Variants in COLEC12 observed in about 807,000 individuals in gnomAD.
COLEC12 encodes collectin subfamily member 12, also known as collectin-12.
A neutral mutation model predicts 71.1 loss-of-function variants in COLEC12; 33 were observed. The ratio of observed to expected loss-of-function variants is 0.46; its 90% CI spans 0.35 to 0.62. COLEC12 has a LOEUF of 0.62. Among genes scored for constraint, COLEC12 ranks in the 20% least tolerant of loss-of-function variants. COLEC12 has a pLI of 0.00. For missense variants in COLEC12, 765 were observed against 916.1 expected (o/e 0.84, Z 2.13); for synonymous variants, 350 against 353.0 (o/e 0.99, Z 0.10).
intron 3 of COLEC12, among the ~76,000 whole-genome samples, chr18:353,654 G>A (rs536749551): frequency 3.9e-5 from 6 of 152,274 alleles, no homozygotes; most frequent in African/African-American, 1.2e-4. Flanking sequence ...CCATGGTCTC[G>A]GCCCTGAGGA....
intron 2 of COLEC12, among the ~76,000 whole-genome samples, chr18:436,328 T>C (rs1469029742): frequency 6.6e-6 from 1 of 152,114 alleles, no homozygotes; most frequent in Non-Finnish European, 1.5e-5. Flanking sequence ...CTGACCAACA[T>C]GGTGAAACCC....
chr18:328,261 G>A (rs527739940), intron 8 of COLEC12, among the ~76,000 whole-genome samples: 2 of 152,296 alleles, frequency 1.3e-5, no homozygotes, highest in East Asian at 3.9e-4. Flanking sequence ...GGAGGTGGAT[G>A]GGCCAATCCT....
chr18:489,704 C>T (rs573716178), intron 1 of COLEC12, among the ~76,000 whole-genome samples: 1 of 152,062 alleles, frequency 6.6e-6, no homozygotes, highest in Non-Finnish European at 1.5e-5. Context: ...AGCTGTGAGT[C>T]GCACTGACAT....
intron 7 of COLEC12, among the ~76,000 whole-genome samples, chr18:332,242 T>C (rs1326336126): frequency 6.6e-6 from 1 of 152,192 alleles, no homozygotes; most frequent in East Asian, 1.9e-4. Flanking sequence ...CCCTGGTCTG[T>C]GTATTCTAAA....
intron 2 of COLEC12, among the ~76,000 whole-genome samples, chr18:390,088 T>A (rs1040446435): frequency 2.0e-4 from 31 of 152,214 alleles, no homozygotes; most frequent in Admixed American, 7.2e-4. Flanking sequence ...GCAAACACAC[T>A]GAGACTTATT....
At chr18:463,160 A>G (rs1917016268) in intron 2 of COLEC12, among the ~76,000 whole-genome samples, 1 of 152,184 alleles carries the variant, frequency 6.6e-6, no homozygotes, top group Non-Finnish European at 1.5e-5. Context: ...CAACCTCTGC[A>G]GGCTTTCAGC....
intron 5 of COLEC12, 44 bp from the exon 6 acceptor site, chr18:335,274 A>C: frequency 1.3e-6 from 2 of 1,543,814 alleles, no homozygotes; most frequent in Non-Finnish European, 1.7e-6. Context: ...ATCCACTGTG[A>C]ATGATAGTTA....
chr18:405,762 T>A (rs1376945944), intron 2 of COLEC12, among the ~76,000 whole-genome samples: 2 of 152,038 alleles, frequency 1.3e-5, no homozygotes, highest in African/African-American at 4.8e-5. Context: ...TCTCACCCCA[T>A]CCCAACATTT....
At chr18:407,966 T>C (rs1156407353) in intron 2 of COLEC12, among the ~76,000 whole-genome samples, 6 of 152,344 alleles carry the variant, frequency 3.9e-5, no homozygotes, top group Middle Eastern at 3.4e-3. Context: ...TCTGGATATA[T>C]AGTCAGAATT....
chr18:458,903 T>C (rs1441861110), intron 2 of COLEC12, among the ~76,000 whole-genome samples: 2 of 152,238 alleles, frequency 1.3e-5, no homozygotes, highest in Non-Finnish European at 2.9e-5. Flanking sequence ...GGCACGATCA[T>C]GGTTCATTGC....
chr18:456,192 C>T (rs1221487672), intron 2 of COLEC12, among the ~76,000 whole-genome samples: 1 of 152,168 alleles, frequency 6.6e-6, no homozygotes, highest in Non-Finnish European at 1.5e-5. Flanking sequence ...TCCTGTCTCA[C>T]AGAGGTAGGC....
chr18:367,722 C>T (rs573422382), intron 2 of COLEC12, among the ~76,000 whole-genome samples: 7 of 152,250 alleles, frequency 4.6e-5, no homozygotes, highest in Admixed American at 6.5e-5. Flanking sequence ...TATTGGCCCA[C>T]GACGCCTGTG....
intron 1 of COLEC12, among the ~76,000 whole-genome samples, chr18:489,755 C>T (rs559682610): frequency 2.0e-5 from 3 of 152,170 alleles, no homozygotes; most frequent in South Asian, 2.1e-4. Flanking sequence ...TCTGAGATTA[C>T]GCTGTAACTG....
At position 348,123 on chromosome 18, in the gene COLEC12, T is replaced by C. The variant is rs1194711468; in HGVS notation, c.222A>G (p.Thr74=). Residue 74 remains threonine (T), a synonymous_variant, in exon 4 of 10, where the codon ACA becomes ACG. Coordinates refer to ENST00000400256, the MANE Select transcript of COLEC12 (RefSeq NM_130386.3). The part of the protein sequence containing the change: ...KMDNVTGGME[T]SRQTYDDKLT... Reference sequence around the variant, plus strand: ...GCTTGTCATCATAGGTTTGGCGAGATGTTTCCATGCCACCTGTGACATTGT... The same window carrying C: ...GCTTGTCATCATAGGTTTGGCGAGACGTTTCCATGCCACCTGTGACATTGT... The C allele has an allele frequency of 1.9e-6, 3 of 1,613,920 alleles. No homozygotes were observed. The highest frequency in any genetic ancestry group is 3.3e-5 in the Admixed American group (2 of 59,992).
chr18:321,098 A>T (rs1035002976), intron 9 of COLEC12, among the ~76,000 whole-genome samples: 2 of 152,228 alleles, frequency 1.3e-5, no homozygotes, highest in Admixed American at 1.3e-4. Context: ...GTTGTTTCCC[A>T]GGCTGGAGTG....
chr18:419,958 G>A (rs1916063895), intron 2 of COLEC12, among the ~76,000 whole-genome samples: 1 of 152,180 alleles, frequency 6.6e-6, no homozygotes, highest in Admixed American at 6.5e-5. Context: ...GCCCTTGCAA[G>A]ATGTCTGACT....
At chr18:403,256 T>C (rs942013000) in intron 2 of COLEC12, among the ~76,000 whole-genome samples, 5 of 152,240 alleles carry the variant, frequency 3.3e-5, no homozygotes, top group Admixed American at 2.0e-4. Context: ...GTTCTTACCA[T>C]TGGGTGTGTT....
chr18:487,741 T>A (rs556111640), intron 1 of COLEC12, among the ~76,000 whole-genome samples: 33 of 152,218 alleles, frequency 2.2e-4, no homozygotes, highest in Non-Finnish European at 3.5e-4. Context: ...AAGGTTCTTC[T>A]CTGGGGAATT....
intron 8 of COLEC12, among the ~76,000 whole-genome samples, chr18:331,280 C>G (rs536551133): frequency 6.6e-6 from 1 of 152,362 alleles, no homozygotes; most frequent in South Asian, 2.1e-4. Context: ...CTGAAGGGAG[C>G]TCCCCAGTCC....
Sources: allele counts gnomAD v4.1 joint callset (sites outside exome capture counted in the v4.1 genomes callset), GRCh38; gene constraint gnomAD v4.1.1; transcripts MANE v1.5; gene names NCBI Gene and HGNC (gene_info 2026-07-23, HGNC 2026-07-21).